Variants in SH3GL3 observed in about 807,000 individuals in gnomAD.
The protein encoded by SH3GL3 is SH3 domain containing GRB2 like 3, endophilin A3, also known as endophilin-A3.
A neutral mutation model predicts 47.7 loss-of-function variants in SH3GL3; 33 were observed. The observed-to-expected ratio is 0.69, with a 90% CI of 0.52 to 0.92. The LOEUF (loss-of-function observed/expected upper bound fraction) is 0.92. Ranked by LOEUF, SH3GL3 falls within the 40% of genes least tolerant of loss-of-function variation. The probability of loss-of-function intolerance (pLI) is 0.00; values close to 1 mark genes in which losing one functional copy is unlikely to be tolerated. For synonymous variants in SH3GL3, 155 were observed against 148.8 expected (o/e 1.04, Z -0.30); for missense variants, 363 against 417.8 (o/e 0.87, Z 1.14).
downstream of SH3GL3, among the ~76,000 whole-genome samples, chr15:83,621,980 TAC>T (rs142805476): frequency 6.6e-6 from 1 of 151,376 alleles, no homozygotes; most frequent in Non-Finnish European, 1.5e-5. Flanking sequence ...CAGCCAGCTA[TAC>T]ACACACACAC....
At chr15:83,574,293 GA>G (rs1567001311) in intron 5 of SH3GL3, among the ~76,000 whole-genome samples, 2 of 152,030 alleles carry the variant, frequency 1.3e-5, no homozygotes, top group African/African-American at 2.4e-5. Flanking sequence ...ATCCATTCAG[GA>G]GCTCCCTAAA....
intron 1 of SH3GL3, among the ~76,000 whole-genome samples, chr15:83,550,910 T>A (rs776847921): frequency 5.3e-4 from 80 of 152,208 alleles, no homozygotes; most frequent in Non-Finnish European, 9.6e-4. Flanking sequence ...AAATCCTAAG[T>A]TACAAATTTT....
chr15:83,524,054 G>A (rs1482257430), intron 1 of SH3GL3, among the ~76,000 whole-genome samples: 1 of 152,026 alleles, frequency 6.6e-6, no homozygotes, highest in Non-Finnish European at 1.5e-5. Flanking sequence ...CTGTTTGGAA[G>A]TTTTGCTTAA....
At chr15:83,629,057 A>G in the SH3GL3 span, among the ~76,000 whole-genome samples, 1 of 152,218 alleles carries the variant, frequency 6.6e-6, no homozygotes, top group Non-Finnish European at 1.5e-5. Flanking sequence ...GATATGCAAG[A>G]CTTTTATACT....
intron 6 of SH3GL3, among the ~76,000 whole-genome samples, chr15:83,585,099 C>A (rs569563109): frequency 6.6e-6 from 1 of 152,316 alleles, no homozygotes; most frequent in South Asian, 2.1e-4. Flanking sequence ...AATAATCTAT[C>A]GTAGCACACC....
downstream of SH3GL3, among the ~76,000 whole-genome samples, chr15:83,622,264 C>A (rs2060917279): frequency 6.6e-6 from 1 of 152,220 alleles, no homozygotes. Flanking sequence ...CAGTCTCCCT[C>A]CCATGCCCAC....
chr15:83,475,090 T>C (rs2041032330), intron 1 of SH3GL3, among the ~76,000 whole-genome samples: 2 of 151,886 alleles, frequency 1.3e-5, no homozygotes, highest in Non-Finnish European at 2.9e-5. Flanking sequence ...TAGCTCAATG[T>C]AAAAGTGATG....
chr15:83,487,208 T>G (rs549203075), intron 1 of SH3GL3, among the ~76,000 whole-genome samples: 3 of 127,524 alleles, frequency 2.4e-5, no homozygotes, highest in Admixed American at 9.0e-5. Context: ...TACCTGTTTT[T>G]TTTTTTTTTT....
chr15:83,503,524 T>C (rs1298596387), intron 1 of SH3GL3, among the ~76,000 whole-genome samples: 1 of 152,236 alleles, frequency 6.6e-6, no homozygotes, highest in Non-Finnish European at 1.5e-5. Context: ...ATTATGAGTT[T>C]AAGATGTTTA....
Position 83,588,669 on chromosome 15 carries a change from G to A in SH3GL3, c.736G>A (p.Ala246Thr). ...TTACGATGTGTGTTACAGAATATCAGCTGCATCCAGTGTCCCCAGACGAGA... is the reference window on the plus strand; with the variant it reads ...TTACGATGTGTGTTACAGAATATCAACTGCATCCAGTGTCCCCAGACGAGA... ...LQSKLQMRIS[A>T]ASSVPRREYK... The change falls in exon 8 of 9, where the codon GCT (alanine) becomes ACT (threonine). Residue 246 changes from alanine to threonine, a missense_variant. Transcript: ENST00000427482. The A allele has an allele frequency of 6.3e-7, 1 of 1,598,130 alleles. No homozygotes were observed. The highest frequency in any genetic ancestry group is 8.6e-7 in the Non-Finnish European group (1 of 1,165,480).
intron 1 of SH3GL3, among the ~76,000 whole-genome samples, chr15:83,491,600 T>G (rs1258367676): frequency 6.6e-6 from 1 of 152,224 alleles, no homozygotes; most frequent in African/African-American, 2.4e-5. Flanking sequence ...TGTTCTGGTG[T>G]GCAAGTTGGT....
chr15:83,547,037 C>T (rs1302929389), intron 1 of SH3GL3, among the ~76,000 whole-genome samples: 2 of 152,128 alleles, frequency 1.3e-5, no homozygotes, highest in African/African-American at 2.4e-5. Flanking sequence ...GCTGGTGTAT[C>T]CCTGGAAAGT....
chr15:83,571,896 G>A (rs145039237), intron 4 of SH3GL3, among the ~76,000 whole-genome samples: 91 of 152,236 alleles, frequency 6.0e-4, no homozygotes, highest in African/African-American at 2.0e-3. Flanking sequence ...AATTACTGCC[G>A]ATTAACCGGA....
chr15:83,539,266 C>G (rs896089511), intron 1 of SH3GL3, among the ~76,000 whole-genome samples: 2 of 152,198 alleles, frequency 1.3e-5, no homozygotes, highest in East Asian at 3.8e-4. Flanking sequence ...AATCACTGCA[C>G]TACCAGATCT....
chr15:83,534,410 C>A (rs1188026107), intron 1 of SH3GL3, among the ~76,000 whole-genome samples: 1 of 152,152 alleles, frequency 6.6e-6, no homozygotes, highest in African/African-American at 2.4e-5. Flanking sequence ...CTCTCCCTCT[C>A]TCCCTCTCTC....
intron 1 of SH3GL3, among the ~76,000 whole-genome samples, chr15:83,450,705 CTTTTTTT>C (rs71156082): frequency 6.1e-5 from 5 of 82,376 alleles, no homozygotes; most frequent in African/African-American, 2.6e-4. Context: ...CCAAATTTTT[CTTTTTTT>C]TTTTTTTTCT....
chr15:83,585,493 G>A (rs1409297013), intron 6 of SH3GL3, among the ~76,000 whole-genome samples: 1 of 152,184 alleles, frequency 6.6e-6, no homozygotes, highest in Non-Finnish European at 1.5e-5. Flanking sequence ...AAGGCAGAGA[G>A]GCATAGCATA....
At chr15:83,582,352 C>T (rs1227729197) in intron 6 of SH3GL3, among the ~76,000 whole-genome samples, 1 of 152,072 alleles carries the variant, frequency 6.6e-6, no homozygotes, top group East Asian at 1.9e-4. Context: ...GTTCCCAAGA[C>T]CAGTGGAATT....
downstream of SH3GL3, among the ~76,000 whole-genome samples, chr15:83,622,965 T>C (rs1450058520): frequency 5.9e-5 from 9 of 152,352 alleles, no homozygotes; most frequent in Admixed American, 6.5e-5. Flanking sequence ...CACCATATTC[T>C]GTTGGGAAGT....
Sources: allele counts gnomAD v4.1 joint callset (sites outside exome capture counted in the v4.1 genomes callset), GRCh38; gene constraint gnomAD v4.1.1; transcripts MANE v1.5; gene names NCBI Gene and HGNC (gene_info 2026-07-23, HGNC 2026-07-21).